Variants in ANKRD36C observed in about 807,000 individuals in gnomAD.
The protein encoded by ANKRD36C is ankyrin repeat domain 36C.
In ANKRD36C, 61 loss-of-function variants were observed where a neutral mutation model predicts 276.4. The ratio of observed to expected loss-of-function variants is 0.22; its 90% CI spans 0.18 to 0.27. The LOEUF (loss-of-function observed/expected upper bound fraction) is 0.27. Ranked by LOEUF, ANKRD36C falls within the 10% of genes least tolerant of loss-of-function variation. ANKRD36C has a pLI of 1.00. For synonymous variants in ANKRD36C, 483 were observed against 680.1 expected (o/e 0.71, Z 4.51); for missense variants, 1,447 against 2,032.3 (o/e 0.71, Z 5.54).
At chr2:95,890,888 G>A (rs955908184) in intron 46 of ANKRD36C, among the ~76,000 whole-genome samples, 2 of 151,406 alleles carry the variant, frequency 1.3e-5, no homozygotes, top group Admixed American at 1.3e-4. Flanking sequence ...TCATGAAATA[G>A]CTATTTCATC....
chr2:95,956,739 T>C lies in ANKRD36C; in HGVS notation c.1136+47A>G, dbSNP rs756616135. 75 of 1,498,756 alleles carry C rather than the reference T, an allele frequency of 5.0e-5. No individual in the cohort carries two copies. In the East Asian group the frequency reaches 1.6e-3, roughly 33 times the overall value. The allele number at this position is 1,498,756 out of a possible 1,614,324, so 92.8% of individuals were successfully genotyped here. A position where few individuals can be genotyped will look rare whatever the true frequency, so the allele number is the denominator to read the frequency against. On this transcript the variant is annotated intron_variant, in intron 13 of 66. Transcript: ENST00000456556. Reference sequence around the variant, plus strand: ...AACGGGCACTAGTTTCTATTCTCTCTATTAACTAAGTTAACATATCACTTT... The same window carrying C: ...AACGGGCACTAGTTTCTATTCTCTCCATTAACTAAGTTAACATATCACTTT...
At chr2:95,987,417 T>C (rs1679051781) in intron 1 of ANKRD36C, among the ~76,000 whole-genome samples, 1 of 151,926 alleles carries the variant, frequency 6.6e-6, no homozygotes, top group African/African-American at 2.4e-5. Context: ...TACTGTAAGC[T>C]CTGTCACTTA....
chr2:95,920,320 T>C lies in ANKRD36C; in HGVS notation c.2245+1287A>G, dbSNP rs111542118. Among the ~76,000 whole-genome samples the C allele has an allele frequency of 5.3e-5, 7 of 132,352 alleles. 1 individual carries two copies. The highest frequency in any genetic ancestry group is 2.3e-4 in the South Asian group (1 of 4,270). The allele number at this position is 132,352 out of a possible 152,430, so 86.8% of individuals were successfully genotyped here. The stretch of plus-strand genomic sequence containing the variant: ...GTGCAACAAATCAAAAGAATTTACA[T>C]CATTATACTACAAACATTCATCATG... On this transcript the variant is annotated intron_variant, in intron 34 of 66. Coordinates refer to ENST00000456556, the Ensembl canonical transcript of ANKRD36C.
intron 6 of ANKRD36C, among the ~76,000 whole-genome samples, chr2:95,973,303 T>C (rs193172282): frequency 2.0e-5 from 3 of 152,000 alleles, no homozygotes; most frequent in Admixed American, 1.3e-4. Context: ...TCCCAACTAC[T>C]TGGGAGGCTG....
chr2:95,961,629 T>G (rs1258091895), intron 8 of ANKRD36C, among the ~76,000 whole-genome samples: 3 of 152,098 alleles, frequency 2.0e-5, no homozygotes, highest in African/African-American at 7.2e-5. Context: ...TGCATATTCA[T>G]GATTAGCCTA....
At chr2:95,865,107 C>G (rs988885320) in intron 60 of ANKRD36C, among the ~76,000 whole-genome samples, 1 of 151,890 alleles carries the variant, frequency 6.6e-6, no homozygotes, top group African/African-American at 2.4e-5. Flanking sequence ...AGTAAACTAT[C>G]ATTTACAACT....
At chr2:95,888,308 C>CA (rs1192095991) in intron 48 of ANKRD36C, among the ~76,000 whole-genome samples, 188 bp from the exon 69 acceptor site, 1 of 151,592 alleles carries the variant, frequency 6.6e-6, no homozygotes, top group Non-Finnish European at 1.5e-5. Flanking sequence ...ACAGGCTTCA[C>CA]AAAATATACT....
At chr2:95,955,095 A>C in intron 13 of ANKRD36C, among the ~76,000 whole-genome samples, 1 of 152,284 alleles carries the variant, frequency 6.6e-6, no homozygotes, top group Non-Finnish European at 1.5e-5. Flanking sequence ...CCAATCCTAC[A>C]TTTGTCCTAC....
At chr2:95,913,384 A>C (rs1230227475) in intron 40 of ANKRD36C, among the ~76,000 whole-genome samples, 3 of 151,430 alleles carry the variant, frequency 2.0e-5, no homozygotes, top group Non-Finnish European at 3.0e-5. Flanking sequence ...AAATTTATTC[A>C]TATTCAAGAT....
intron 48 of ANKRD36C, 43 bp from the exon 69 acceptor site, chr2:95,888,163 G>A (rs1361903296): frequency 6.2e-7 from 1 of 1,606,602 alleles, no homozygotes; most frequent in South Asian, 1.1e-5. Flanking sequence ...ATGTAAATAT[G>A]ATAAAGTTAT....
intron 44 of ANKRD36C, among the ~76,000 whole-genome samples, chr2:95,892,608 T>C (rs1352392155): frequency 6.6e-6 from 1 of 151,570 alleles, no homozygotes; most frequent in Non-Finnish European, 1.5e-5. Context: ...CTACAAGCAT[T>C]AGATATTGAC....
At chr2:95,894,618 A>C (rs1167782807) in intron 44 of ANKRD36C, among the ~76,000 whole-genome samples, 1 of 151,428 alleles carries the variant, frequency 6.6e-6, no homozygotes, top group East Asian at 2.0e-4. Flanking sequence ...AAGTTTCATT[A>C]AACAGCTATT....
At position 95,920,857 on chromosome 2, in the gene ANKRD36C, G is replaced by A. The variant is rs1314242982; in HGVS notation, c.2245+750C>T. ...TCCAAGAGATAGCTCCTGGAACAAG[G>A]AAGCCAATGTATTCATATTCAAGTT... On this transcript the variant is annotated intron_variant, in intron 34 of 66. Coordinates refer to ENST00000456556, the Ensembl canonical transcript of ANKRD36C. Among the ~76,000 whole-genome samples the A allele has an allele frequency of 6.0e-5, 9 of 150,068 alleles. 1 individual carries two copies. The highest frequency in any genetic ancestry group is 7.5e-5 in the African/African-American group (3 of 40,032).
At chr2:95,870,112 A>G (rs1675771948) in intron 59 of ANKRD36C, among the ~76,000 whole-genome samples, 2 of 152,246 alleles carry the variant, frequency 1.3e-5, no homozygotes, top group Admixed American at 1.3e-4. Context: ...AGACAGCAGT[A>G]ACCTCTGCAG....
At chr2:95,980,093 G>C (rs950987110) in intron 5 of ANKRD36C, among the ~76,000 whole-genome samples, 6 of 152,052 alleles carry the variant, frequency 3.9e-5, no homozygotes, top group African/African-American at 1.4e-4. Context: ...GACTGCAAGA[G>C]TACTTTCAAT....
At chr2:95,890,958 T>A (rs1426430919) in intron 46 of ANKRD36C, among the ~76,000 whole-genome samples, 2 of 151,496 alleles carry the variant, frequency 1.3e-5, no homozygotes, top group African/African-American at 4.8e-5. Context: ...TACCTCATTT[T>A]TATAACTACA....
intron 26 of ANKRD36C, 35 bp downstream of exon 26, chr2:95,929,037 T>C (rs1276495508): frequency 6.2e-7 from 1 of 1,600,070 alleles, no homozygotes; most frequent in South Asian, 1.1e-5. Context: ...TCCATCTTGA[T>C]TGAACATGAC....
chr2:95,860,064 G>T (rs1300368407), exon 61 of ANKRD36C: 14 of 1,529,988 alleles, frequency 9.2e-6, no homozygotes, highest in Non-Finnish European at 1.2e-5. Flanking sequence ...TTTTCAATAG[G>T]TGAACACAAT....
chr2:95,892,144 A>T (rs1490339573), intron 44 of ANKRD36C, among the ~76,000 whole-genome samples: 12 of 151,600 alleles, frequency 7.9e-5, no homozygotes, highest in Admixed American at 7.9e-4. Flanking sequence ...ATGTCGAGTG[A>T]TGAGGACAAA....
Sources: gnomAD v4.1 joint callset for allele counts (sites outside exome capture counted in the v4.1 genomes callset) on GRCh38, gnomAD v4.1.1 for gene constraint, MANE v1.5 for transcripts, NCBI Gene and HGNC (gene_info 2026-07-23, HGNC 2026-07-21) for gene names.